The following NEGR1 variants were observed in gnomAD, a reference collection of about 807,000 sequenced individuals.
NEGR1 encodes IgLON family member 4.
NEGR1 carries 10 observed loss-of-function variants against 40.9 expected under a neutral mutation model. That is an observed-to-expected ratio of 0.24 (90% CI 0.15 to 0.42). NEGR1 has a LOEUF of 0.42. Ranked by LOEUF, NEGR1 falls within the 10% of genes least tolerant of loss-of-function variation. The probability of loss-of-function intolerance (pLI) is 1.00; values close to 1 mark genes in which losing one functional copy is unlikely to be tolerated. For synonymous variants in NEGR1, 185 were observed against 166.8 expected, an observed-to-expected ratio of 1.11 and a Z score of -0.84; for missense variants, 352 against 438.9, an observed-to-expected ratio of 0.80 and a Z score of 1.77.
At chr1:71,503,685 A>G (rs1330959419) in intron 6 of NEGR1, among the ~76,000 whole-genome samples, 1 of 152,136 alleles carries the variant, frequency 6.6e-6, no homozygotes, top group Non-Finnish European at 1.5e-5. Flanking sequence ...AAGTACTGGA[A>G]TAAGGAATTT....
chr1:71,456,187 A>G (rs899201427), intron 6 of NEGR1, among the ~76,000 whole-genome samples: 13 of 152,350 alleles, frequency 8.5e-5, no homozygotes, highest in African/African-American at 3.1e-4. Context: ...TTAAGCAAAG[A>G]AGCACTCTGA....
chr1:71,810,973 T>C (rs1657981537), intron 2 of NEGR1, among the ~76,000 whole-genome samples: 1 of 152,156 alleles, frequency 6.6e-6, no homozygotes. Flanking sequence ...TATTAAGGTA[T>C]ATATTTCTCA....
At chr1:72,250,303 C>T (rs893702535) in intron 1 of NEGR1, among the ~76,000 whole-genome samples, 4 of 152,084 alleles carry the variant, frequency 2.6e-5, no homozygotes, top group Admixed American at 2.6e-4. Flanking sequence ...TCAATTGATT[C>T]TCTTCCCCTG....
chr1:71,507,020 C>G (rs1476177193), intron 6 of NEGR1, among the ~76,000 whole-genome samples: 1 of 152,122 alleles, frequency 6.6e-6, no homozygotes, highest in Non-Finnish European at 1.5e-5. Context: ...TTAAAAAAAT[C>G]TGGACAAAGC....
chr1:71,619,906 T>C (rs1450181844), intron 4 of NEGR1, among the ~76,000 whole-genome samples: 2 of 152,080 alleles, frequency 1.3e-5, no homozygotes, highest in Non-Finnish European at 2.9e-5. Context: ...CTTAGTTACT[T>C]GACAATAGCT....
At chr1:71,813,014 T>C (rs1658059943) in intron 2 of NEGR1, among the ~76,000 whole-genome samples, 1 of 152,162 alleles carries the variant, frequency 6.6e-6, no homozygotes, top group Non-Finnish European at 1.5e-5. Context: ...TCCATGCCTA[T>C]GTCCCGAATT....
chr1:71,780,949 A>T (rs1488500226), intron 2 of NEGR1, among the ~76,000 whole-genome samples: 1 of 152,164 alleles, frequency 6.6e-6, no homozygotes, highest in Non-Finnish European at 1.5e-5. Flanking sequence ...TGCACATCCA[A>T]ACCAGATTCT....
At chr1:72,215,736 T>C (rs1240235408) in intron 1 of NEGR1, among the ~76,000 whole-genome samples, 1 of 151,984 alleles carries the variant, frequency 6.6e-6, no homozygotes, top group Non-Finnish European at 1.5e-5. Flanking sequence ...TGTGGAGAAA[T>C]AGGAACACTT....
intron 6 of NEGR1, among the ~76,000 whole-genome samples, chr1:71,465,786 T>C (rs1646741592): frequency 6.6e-6 from 1 of 152,016 alleles, no homozygotes; most frequent in Admixed American, 6.6e-5. Context: ...ATCATACTAA[T>C]GGCATGATTG....
chr1:71,896,532 G>A (rs7552295), intron 2 of NEGR1, among the ~76,000 whole-genome samples: 3,056 of 152,158 alleles, frequency 0.02, 62 homozygotes, highest in South Asian at 0.1. Flanking sequence ...TTGAAATACA[G>A]TTGTATTAAA....
At chr1:72,037,640 T>C (rs1428736934) in intron 1 of NEGR1, among the ~76,000 whole-genome samples, 1 of 152,164 alleles carries the variant, frequency 6.6e-6, no homozygotes, top group Non-Finnish European at 1.5e-5. Context: ...AATAACAGAA[T>C]TAAATAATTT....
At chr1:72,260,228 T>G (rs1655410593) in intron 1 of NEGR1, among the ~76,000 whole-genome samples, 1 of 152,040 alleles carries the variant, frequency 6.6e-6, no homozygotes, top group South Asian at 2.1e-4. Flanking sequence ...CTTAAAAATT[T>G]TAGCTTCCCG....
At chr1:72,233,019 C>A (rs1194652384) in intron 1 of NEGR1, among the ~76,000 whole-genome samples, 1 of 152,112 alleles carries the variant, frequency 6.6e-6, no homozygotes, top group African/African-American at 2.4e-5. Context: ...GGTAAAGATA[C>A]CTCTGTCCTA....
At chr1:71,643,212 A>T (rs1265712415) in intron 4 of NEGR1, among the ~76,000 whole-genome samples, 2 of 151,922 alleles carry the variant, frequency 1.3e-5, no homozygotes, top group East Asian at 3.9e-4. Context: ...TTCCATGCAT[A>T]TTCTTGCCAT....
chr1:71,638,859 T>TC (rs568004496), intron 4 of NEGR1, among the ~76,000 whole-genome samples: 1 of 151,840 alleles, frequency 6.6e-6, no homozygotes, highest in Non-Finnish European at 1.5e-5. Flanking sequence ...AATGCCCTTT[T>TC]CCCCCATATT....
intron 1 of NEGR1, among the ~76,000 whole-genome samples, chr1:72,104,451 C>A (rs757198292): frequency 1.3e-5 from 2 of 152,084 alleles, no homozygotes; most frequent in South Asian, 4.1e-4. Context: ...CATGGAAAGC[C>A]TTCAGCAGTT....
At chr1:72,071,103 C>T (rs1383247433) in intron 1 of NEGR1, among the ~76,000 whole-genome samples, 1 of 151,352 alleles carries the variant, frequency 6.6e-6, no homozygotes, top group East Asian at 2.0e-4. Flanking sequence ...TTCTCATCAG[C>T]AACATAAGAA....
intron 1 of NEGR1, among the ~76,000 whole-genome samples, chr1:71,943,339 A>T (rs1570536948): frequency 1.3e-5 from 2 of 150,616 alleles, no homozygotes; most frequent in African/African-American, 4.9e-5. Flanking sequence ...AGAGCCATTT[A>T]TATATATACA....
At chr1:71,866,310 G>T (rs1660111758) in intron 2 of NEGR1, among the ~76,000 whole-genome samples, 1 of 152,106 alleles carries the variant, frequency 6.6e-6, no homozygotes, top group Non-Finnish European at 1.5e-5. Flanking sequence ...AGAAATTCTG[G>T]TTTCAGAGGA....
Sources: allele counts gnomAD v4.1 joint callset (sites outside exome capture counted in the v4.1 genomes callset), GRCh38; gene constraint gnomAD v4.1.1; transcripts MANE v1.5; gene names NCBI Gene and HGNC (gene_info 2026-07-23, HGNC 2026-07-21).